Variants in INTS7 observed in about 807,000 individuals in gnomAD.
INTS7 encodes chromosome 1 open reading frame 73.
INTS7 carries 46 observed loss-of-function variants against 109.2 expected under a neutral mutation model. The observed-to-expected ratio is 0.42, with a 90% confidence interval of 0.33 to 0.54. INTS7 has a LOEUF of 0.54. Among genes scored for constraint, INTS7 ranks in the 20% least tolerant of loss-of-function variants. The probability of loss-of-function intolerance (pLI) is 0.07; values close to 1 mark genes in which losing one functional copy is unlikely to be tolerated. For synonymous variants in INTS7, 412 were observed against 402.9 expected, an observed-to-expected ratio of 1.02 and a Z score of -0.27; for missense variants, 929 against 1,132.4, an observed-to-expected ratio of 0.82 and a Z score of 2.58.
Position 211,959,932 on chromosome 1 carries a change from T to C in INTS7, c.2183+6498A>G, listed in dbSNP as rs1471048759. On this transcript the variant is annotated intron_variant, in intron 16 of 19. Coordinates refer to ENST00000366994, the MANE Select transcript of INTS7 (RefSeq NM_015434.4). This position sits in a 1 kb window ranked among gnomAD's most constrained non-coding sequence, Gnocchi z 4.2. ...ACAAAGGCCGGCATCCCAGACCTGC[T>C]AGTATCCTGCCGCGGTGGACAAGTG... 6.6e-6 allele frequency among the ~76,000 whole-genome samples: 1 copy of C among 152,170 alleles called. No individual in the cohort carries two copies. Among genetic ancestry groups the C allele is most frequent in the Non-Finnish European group, 1.5e-5 (1 of 68,040 alleles).
chr1:212,017,159 A>G (rs1316242106), intron 3 of INTS7, 136 bp from the exon 4 acceptor site: 2 of 582,302 alleles, frequency 3.4e-6, no homozygotes, highest in African/African-American at 2.0e-5. Context: ...AATAAAGCAT[A>G]ACTTTAGAAA....
At chr1:212,017,959 T>C (rs904272989) in intron 3 of INTS7, among the ~76,000 whole-genome samples, 1 of 152,226 alleles carries the variant, frequency 6.6e-6, no homozygotes, top group Non-Finnish European at 1.5e-5. Flanking sequence ...CAAATGACTA[T>C]TAATCTATTA....
chr1:211,991,644 A>C (rs567331299), intron 7 of INTS7, among the ~76,000 whole-genome samples: 10 of 152,374 alleles, frequency 6.6e-5, no homozygotes, highest in African/African-American at 1.7e-4. Flanking sequence ...CAAAGCCACT[A>C]AAAGTCAAAG....
At chr1:212,014,299 T>C (rs1010576159) in intron 4 of INTS7, among the ~76,000 whole-genome samples, 1 of 151,666 alleles carries the variant, frequency 6.6e-6, no homozygotes, top group Non-Finnish European at 1.5e-5. Flanking sequence ...ACCCCATCTT[T>C]ACTAAAAATA....
chr1:211,945,826 T>G (rs1170153432), intron 18 of INTS7, among the ~76,000 whole-genome samples: 1 of 152,246 alleles, frequency 6.6e-6, no homozygotes, highest in Non-Finnish European at 1.5e-5. Flanking sequence ...GAATTGTGAG[T>G]GGCTTAAATA....
intron 7 of INTS7, among the ~76,000 whole-genome samples, chr1:211,994,140 A>T (rs578067550): frequency 2.6e-5 from 4 of 152,340 alleles, no homozygotes; most frequent in African/African-American, 7.2e-5. Context: ...GAGAGAAGGA[A>T]GAAGGGAAGC....
intron 13 of INTS7, among the ~76,000 whole-genome samples, chr1:211,973,269 C>T (rs1345677255): frequency 6.6e-6 from 1 of 152,186 alleles, no homozygotes; most frequent in Non-Finnish European, 1.5e-5. Context: ...TTCTGACCCA[C>T]AGAAACTGTG....
chr1:211,986,311 A>T (rs1162232880), intron 8 of INTS7, among the ~76,000 whole-genome samples: 1 of 152,194 alleles, frequency 6.6e-6, no homozygotes, highest in African/African-American at 2.4e-5. Flanking sequence ...GGCCAATAGG[A>T]CTGCCCACCT....
At chr1:212,003,372 G>A (rs1429979866) in intron 7 of INTS7, among the ~76,000 whole-genome samples, 1 of 146,330 alleles carries the variant, frequency 6.8e-6, no homozygotes, top group East Asian at 2.0e-4. Context: ...AAGAAAACCA[G>A]TAGACAGCAG....
Position 211,946,575 on chromosome 1 carries a change from C to T in INTS7, c.2415+32G>A, listed in dbSNP as rs370991922. ...TTCAGAAGACACCTGGTTTTAAAACCTATATTAACCTTAGTATTCTTCCTG... is the reference window on the plus strand; with the variant it reads ...TTCAGAAGACACCTGGTTTTAAAACTTATATTAACCTTAGTATTCTTCCTG... On this transcript the variant is annotated intron_variant, in intron 18 of 19. Coordinates refer to ENST00000366994, the MANE Select transcript of INTS7 (RefSeq NM_015434.4). This position sits in a 1 kb window ranked among gnomAD's most constrained non-coding sequence, Gnocchi z 4.3. 2.3e-6 allele frequency: 3 copies of T among 1,294,188 alleles called. No individual in the cohort carries two copies. The highest frequency in any genetic ancestry group is 1.2e-5 in the South Asian group (1 of 82,436). The allele number at this position is 1,294,188 out of a possible 1,614,324, so 80.2% of individuals were successfully genotyped here. A position where few individuals can be genotyped will look rare whatever the true frequency, so the allele number is the denominator to read the frequency against.
intron 8 of INTS7, among the ~76,000 whole-genome samples, chr1:211,986,747 A>G (rs1212331533): frequency 6.6e-6 from 1 of 152,162 alleles, no homozygotes; most frequent in Non-Finnish European, 1.5e-5. Context: ...CTCCCAATTC[A>G]GTCTGTGGCA....
chr1:211,947,490 C>T (rs1662892026), intron 17 of INTS7, among the ~76,000 whole-genome samples: 2 of 152,200 alleles, frequency 1.3e-5, no homozygotes, highest in African/African-American at 4.8e-5. Context: ...GGTCTACTAT[C>T]CCTTCCTCAG....
chr1:211,973,798 A>G (rs1664281168), intron 13 of INTS7, among the ~76,000 whole-genome samples: 1 of 152,188 alleles, frequency 6.6e-6, no homozygotes, highest in Non-Finnish European at 1.5e-5. Context: ...TTAATCCTAA[A>G]AACAGTGTTT....
chr1:211,973,051 G>A (rs967531590), intron 13 of INTS7, among the ~76,000 whole-genome samples: 2 of 152,156 alleles, frequency 1.3e-5, no homozygotes, highest in Non-Finnish European at 2.9e-5. Flanking sequence ...CCCAGGCTCA[G>A]GTGATTCTCC....
chr1:211,976,347 A>C (rs1664418898), intron 12 of INTS7, among the ~76,000 whole-genome samples: 1 of 152,228 alleles, frequency 6.6e-6, no homozygotes, highest in Non-Finnish European at 1.5e-5. Context: ...AACAACCTAC[A>C]GCCAGAAAGG....
chr1:212,027,826 G>A (rs1429256835), intron 1 of INTS7, among the ~76,000 whole-genome samples: 5 of 122,584 alleles, frequency 4.1e-5, no homozygotes, highest in African/African-American at 1.2e-4. Context: ...GGTTGGCATC[G>A]AGATTCCTTT....
chr1:212,021,988 T>G (rs753798131), intron 1 of INTS7, among the ~76,000 whole-genome samples: 2 of 152,148 alleles, frequency 1.3e-5, no homozygotes, highest in Non-Finnish European at 2.9e-5. Context: ...ATTTATAACA[T>G]TGAAGGTTTA....
chr1:212,004,765 T>C (rs548011422), intron 7 of INTS7, among the ~76,000 whole-genome samples: 2 of 152,310 alleles, frequency 1.3e-5, no homozygotes, highest in South Asian at 2.1e-4. Context: ...TGAATAGCCA[T>C]GTCATAAGAG....
chr1:212,031,987 CT>C (rs980309731), intron 1 of INTS7, among the ~76,000 whole-genome samples: 3 of 152,198 alleles, frequency 2.0e-5, no homozygotes, highest in Non-Finnish European at 4.4e-5. Flanking sequence ...CATCTTATGC[CT>C]AACTGACTAA....
Sources: gnomAD v4.1 joint callset for allele counts (sites outside exome capture counted in the v4.1 genomes callset) on GRCh38, gnomAD v4.1.1 for gene constraint, Gnocchi (gnomAD v3.1) non-coding constraint, MANE v1.5 for transcripts, NCBI Gene and HGNC (gene_info 2026-07-23, HGNC 2026-07-21) for gene names.